USP35: variants seen among roughly 807,000 people sequenced by gnomAD.
USP35 encodes the protein ubiquitin specific peptidase 35.
A neutral mutation model predicts 83.8 loss-of-function variants in USP35; 69 were observed. The ratio of observed to expected loss-of-function variants is 0.82; its 90% CI spans 0.68 to 1.01. The LOEUF (loss-of-function observed/expected upper bound fraction) is 1.01. Among genes scored for constraint, USP35 ranks in the 50% least tolerant of loss-of-function variants. The pLI is 0.00. For missense variants in USP35, 1,503 were observed against 1,362.5 expected, an observed-to-expected ratio of 1.10 and a Z score of -1.62; for synonymous variants, 714 against 589.5, an observed-to-expected ratio of 1.21 and a Z score of -3.06.
the USP35 span, chr11:78,226,971 T>C: frequency 1.4e-5 from 23 of 1,613,686 alleles, no homozygotes; most frequent in South Asian, 8.8e-5. Flanking sequence ...ACAGTGTCCA[T>C]TGCCCTGGGC....
the USP35 span, chr11:78,225,159 C>A: frequency 6.2e-7 from 1 of 1,613,816 alleles, no homozygotes; most frequent in Non-Finnish European, 8.5e-7. Context: ...GGCCTGCACT[C>A]TCTCCACCAC....
chr11:78,202,742 C>T (rs1023360057), intron 6 of USP35, among the ~76,000 whole-genome samples: 1 of 152,162 alleles, frequency 6.6e-6, no homozygotes, highest in African/African-American at 2.4e-5. Flanking sequence ...CATGAGCCCC[C>T]GACAGTGGAG....
chr11:78,196,871 C>T lies in USP35; in HGVS notation c.626C>T (p.Ala209Val), dbSNP rs766294495. 2.7e-6 allele frequency: 4 copies of T among 1,477,626 alleles called. No homozygotes were observed. Among genetic ancestry groups the T allele is most frequent in the Non-Finnish European group, 3.6e-6 (4 of 1,118,528 alleles). The allele number at this position is 1,477,626 out of a possible 1,614,324, so 91.5% of individuals were successfully genotyped here. A position where few individuals can be genotyped will look rare whatever the true frequency, so the allele number is the denominator to read the frequency against. ...CAGCTGTGGCGCGCACAGCCCGCCGCCATCCTGCCCTGCCTCAAAGAGCTG... is the reference window on the plus strand; with the variant it reads ...CAGCTGTGGCGCGCACAGCCCGCCGTCATCCTGCCCTGCCTCAAAGAGCTG... ...LAQLWRAQPA[A>V]ILPCLKELFA... is the part of the protein sequence containing the mutation. The change falls in exon 2 of 11, where the codon GCC becomes GTC. Residue 209 changes from alanine to valine, a missense_variant. Ala to Val is a moderately conservative substitution (Grantham distance 64). Transcript: ENST00000529308. This position sits in a 1 kb window ranked among gnomAD's most constrained non-coding sequence, Gnocchi z 4.8.
chr11:78,191,212 G>C (rs1463387245), intron 1 of USP35, among the ~76,000 whole-genome samples: 3 of 152,222 alleles, frequency 2.0e-5, no homozygotes, highest in Non-Finnish European at 4.4e-5. Context: ...GATAAGTCAG[G>C]CTCAACTGTG....
intron 1 of USP35, among the ~76,000 whole-genome samples, chr11:78,193,405 A>G (rs1300526028): frequency 1.4e-5 from 2 of 138,858 alleles, no homozygotes; most frequent in Non-Finnish European, 3.1e-5. Flanking sequence ...GGGTTTTGCC[A>G]TGTTGCCCAG....
the USP35 span, chr11:78,220,552 G>A: frequency 1.1e-6 from 1 of 888,020 alleles, no homozygotes; most frequent in East Asian, 2.6e-5. Flanking sequence ...GCCCTACTCT[G>A]ACACATGCAC....
chr11:78,210,338 C>G lies in USP35; in HGVS notation c.2483C>G (p.Ser828Cys). Residue 828 changes from serine to cysteine, a missense_variant, in exon 10 of 11, where the codon TCC (serine) becomes TGC (cysteine). Transcript: ENST00000529308. The part of the protein sequence containing the change: ...MRRRKILDDV[S>C]IPLLLRLPLA... ...CGCCGCAAGATCCTGGATGACGTCTCCATCCCCCTGCTGCTCCGCCTGCCA... is the reference window on the plus strand; with the variant it reads ...CGCCGCAAGATCCTGGATGACGTCTGCATCCCCCTGCTGCTCCGCCTGCCA... The G allele has an allele frequency of 6.2e-7, 1 of 1,612,794 alleles. No homozygotes were observed. The highest frequency in any genetic ancestry group is 1.3e-5 in the African/African-American group (1 of 75,070).
chr11:78,236,604 C>T, the USP35 span, among the ~76,000 whole-genome samples: 1 of 152,164 alleles, frequency 6.6e-6, no homozygotes, highest in African/African-American at 2.4e-5. Flanking sequence ...TATAGGGTTC[C>T]TTAGAAGTCC....
At chr11:78,220,983 G>C in the USP35 span, among the ~76,000 whole-genome samples, 1 of 152,172 alleles carries the variant, frequency 6.6e-6, no homozygotes, top group East Asian at 1.9e-4. Context: ...CCCCCGCCTA[G>C]CTCCTCCAAG....
rs1590904351 is a variant in USP35 at position 78,201,550 on chromosome 11, G to A, written c.1197+742G>A. ...CCAGAGGAAGGAAAGATCTTCTCCA[G>A]TTAGAGAGGACAGATGAGGCCTCTA... On this transcript the variant is annotated intron_variant, in intron 6 of 10. Transcript: ENST00000529308. 2.0e-5 allele frequency among the ~76,000 whole-genome samples: 3 copies of A among 152,328 alleles called. No homozygotes were observed. The East Asian group carries it at 5.8e-4, about 29-fold the overall frequency.
At chr11:78,205,724 G>C in intron 6 of USP35, 118 bp from the exon 7 acceptor site, 1 of 1,090,058 alleles carries the variant, frequency 9.2e-7, no homozygotes, top group Non-Finnish European at 1.3e-6. Flanking sequence ...CTGTGGGGGG[G>C]TGTGCCTGGG....
chr11:78,219,232 C>A (rs199861462), downstream of USP35: 15 of 1,600,596 alleles, frequency 9.4e-6, no homozygotes, highest in East Asian at 3.1e-4. Flanking sequence ...AGGGCCAGCT[C>A]TGGAGATGCT....
At chr11:78,220,363 G>C in the USP35 span, 10 of 1,613,206 alleles carry the variant, frequency 6.2e-6, no homozygotes, top group Non-Finnish European at 8.5e-6. Flanking sequence ...TCCAGGGCCA[G>C]ATAATCAACG....
intron 6 of USP35, among the ~76,000 whole-genome samples, chr11:78,202,080 T>G (rs557080859): frequency 4.6e-5 from 7 of 152,310 alleles, no homozygotes; most frequent in African/African-American, 9.6e-5. Context: ...AAGGAAGAGA[T>G]AACTGAATTC....
chr11:78,208,124 T>C (rs568745658), intron 8 of USP35, among the ~76,000 whole-genome samples: 3 of 152,184 alleles, frequency 2.0e-5, no homozygotes, highest in East Asian at 1.9e-4. Context: ...CTGTCTCCAT[T>C]TGTGGCTGCT....
the USP35 span, chr11:78,222,078 C>A: frequency 6.7e-7 from 1 of 1,482,106 alleles, no homozygotes; most frequent in Non-Finnish European, 9.4e-7. Flanking sequence ...CGACTCCAAG[C>A]TCCCACCCCC....
the USP35 span, chr11:78,220,237 G>A: frequency 2.7e-6 from 4 of 1,494,024 alleles, no homozygotes; most frequent in South Asian, 4.7e-5. Flanking sequence ...GCTGTTCAGT[G>A]TTGAAGGCAC....
Position 78,198,759 on chromosome 11 carries a change from G to A in USP35, c.806+691G>A, listed in dbSNP as rs1377424075. 4 of 946,828 alleles carry A rather than the reference G, an allele frequency of 4.2e-6. No individual in the cohort carries two copies. In the East Asian group the frequency reaches 4.6e-4, roughly 110 times the overall value. The allele number at this position is 946,828 out of a possible 1,614,324, so 58.7% of individuals were successfully genotyped here. On this transcript the variant is annotated intron_variant, in intron 3 of 10. Transcript: ENST00000529308. ...TCAAATCCCGCCTCTACCACTTCTT[G>A]CCTGTGCGACCTTGGACAAGTTACT...
the USP35 span, among the ~76,000 whole-genome samples, chr11:78,233,735 T>C: frequency 6.6e-6 from 1 of 152,190 alleles, no homozygotes; most frequent in South Asian, 2.1e-4. Flanking sequence ...GCCTCGCCAG[T>C]AGCTGGCACT....
Sources: gnomAD v4.1 joint callset for allele counts (sites outside exome capture counted in the v4.1 genomes callset) on GRCh38, gnomAD v4.1.1 for gene constraint, Gnocchi (gnomAD v3.1) non-coding constraint, MANE v1.5 for transcripts, NCBI Gene and HGNC (gene_info 2026-07-23, HGNC 2026-07-21) for gene names.